OR2H2: variants seen among roughly 807,000 people sequenced by gnomAD.
The protein encoded by OR2H2 is olfactory receptor family 2 subfamily H member 2, also known as olfactory receptor 2H2.
For synonymous variants in OR2H2, 146 were observed against 132.4 expected, an observed-to-expected ratio of 1.10 and a Z score of -0.71; for missense variants, 295 against 313.7, an observed-to-expected ratio of 0.94 and a Z score of 0.45.
chr6:29,587,651 C>A lies in OR2H2; in HGVS notation c.-275-19C>A. 1 of 380,958 alleles carries A rather than the reference C, an allele frequency of 2.6e-6. No homozygotes were observed. 23.6% of individuals were successfully genotyped at this position (380,958 alleles called of 1,614,324 possible). A position where few individuals can be genotyped will look rare whatever the true frequency, so the allele number is the denominator to read the frequency against. On this transcript the variant is annotated intron_variant, in intron 1 of 1. Transcript: ENST00000641840. ...TGAATTAGTGCATATTTTAATCAGCCTCCTTTGCCCTCACCCAGGAAGTCA... is the reference window on the plus strand; with the variant it reads ...TGAATTAGTGCATATTTTAATCAGCATCCTTTGCCCTCACCCAGGAAGTCA...
chr6:29,587,943 C>T lies in OR2H2; in HGVS notation c.-2C>T, dbSNP rs144017654. 213 of 859,864 alleles carry T rather than the reference C, an allele frequency of 2.5e-4. 2 individuals are homozygous for T. The African/African-American group carries it at 3.1e-3, about 13-fold the overall frequency. 53.3% of individuals were successfully genotyped at this position (859,864 alleles called of 1,614,324 possible). ...CCCTCCAGGTACAAACAAGAACAGG[C>T]CATGGTTAACCAAAGCTCCACACCG... On this transcript the variant is annotated 5_prime_UTR_variant, in exon 2 of 2. Coordinates refer to ENST00000641840, the MANE Select transcript of OR2H2 (RefSeq NM_007160.4).
In OR2H2 at chr6:29,590,003, T is replaced by G. The variant is rs1760560116; in HGVS notation, c.*1120T>G. 6.6e-6 allele frequency: 1 copy of G among 152,216 alleles called. No individual in the cohort carries two copies. Among genetic ancestry groups the G allele is most frequent in the Admixed American group, 6.5e-5 (1 of 15,284 alleles). The allele number at this position is 152,216 out of a possible 1,614,324, so 9.4% of individuals were successfully genotyped here. A position where few individuals can be genotyped will look rare whatever the true frequency, so the allele number is the denominator to read the frequency against. On this transcript the variant is annotated 3_prime_UTR_variant, in exon 2 of 2. Transcript: ENST00000641840. ...GTTTTGAATATCTCATGTAATTTACTGAATACTGTACTAAAAGTGAAAAAA... is the reference window on the plus strand; with the variant it reads ...GTTTTGAATATCTCATGTAATTTACGGAATACTGTACTAAAAGTGAAAAAA...
At chr6:29,586,485 TAA>T (rs771489542) in intron 1 of OR2H2, among the ~76,000 whole-genome samples, 135 of 82,412 alleles carry the variant, frequency 1.6e-3, no homozygotes, top group African/African-American at 4.0e-3. Flanking sequence ...AACGTGACTC[TAA>T]AAAAAAAAAA....
At chr6:29,586,485 TAAA>T (rs771489542) in intron 1 of OR2H2, among the ~76,000 whole-genome samples, 12 of 82,428 alleles carry the variant, frequency 1.5e-4, no homozygotes, top group African/African-American at 4.3e-4. Flanking sequence ...AACGTGACTC[TAAA>T]AAAAAAAAAA....
Position 29,589,815 on chromosome 6 carries a change from A to T in OR2H2, c.*932A>T, listed in dbSNP as rs1417580756. 6.6e-6 allele frequency: 1 copy of T among 152,198 alleles called. No homozygotes were observed. Among genetic ancestry groups the T allele is most frequent in the Non-Finnish European group, 1.5e-5 (1 of 68,026 alleles). 9.4% of individuals were successfully genotyped at this position (152,198 alleles called of 1,614,324 possible). ...ACTTATAATGATGTTACCTCCCAAA[A>T]AACCTATCATATACTGAAAATATTG... On this transcript the variant is annotated 3_prime_UTR_variant, in exon 2 of 2. Transcript: ENST00000641840.
chr6:29,588,355 C>A lies in OR2H2; in HGVS notation c.411C>A (p.Arg137=). The A allele has an allele frequency of 6.2e-7, 1 of 1,613,128 alleles. No individual in the cohort carries two copies. The part of the protein sequence containing the change: ...PLHYATIIHP[R]LCWQLASVAW... ...ACTATGCCACCATCATCCACCCCCG[C>A]CTGTGCTGGCAGCTGGCATCTGTGG... Residue 137 remains arginine, a synonymous_variant, in exon 2 of 2, where the codon CGC becomes CGA. Coordinates refer to ENST00000641840, the MANE Select transcript of OR2H2 (RefSeq NM_007160.4).
rs1216358732 is a variant in OR2H2 at position 29,585,243 on chromosome 6, TTTTTA to T, written c.-378_-374del. 1.3e-5 allele frequency: 2 copies of T among 152,228 alleles called. No individual in the cohort carries two copies. Among genetic ancestry groups the T allele is most frequent in the African/African-American group, 4.8e-5 (2 of 41,458 alleles). 9.4% of individuals were successfully genotyped at this position (152,228 alleles called of 1,614,324 possible). The stretch of plus-strand genomic sequence containing the variant: ...TTGCCCATTCAAGGATGCCCATTCC[TTTTTA>T]TTTTTTTGTTTCTTCCTGATGTACA... On this transcript the variant is annotated 5_prime_UTR_variant, in exon 1 of 2. It removes the in-frame stop codon of an upstream open reading frame in the 5' UTR. Coordinates refer to ENST00000641840, the MANE Select transcript of OR2H2 (RefSeq NM_007160.4).
intron 1 of OR2H2, among the ~76,000 whole-genome samples, chr6:29,586,963 T>C (rs527682026): frequency 6.6e-6 from 1 of 151,782 alleles, no homozygotes; most frequent in Non-Finnish European, 1.5e-5. Context: ...CCCCAATACA[T>C]CTCTATTTTA....
chr6:29,585,221 C>A lies in OR2H2; in HGVS notation c.-405C>A, dbSNP rs1006624435. The A allele has an allele frequency of 6.6e-6, 1 of 152,196 alleles. No individual in the cohort carries two copies. The highest frequency in any genetic ancestry group is 1.5e-5 in the Non-Finnish European group (1 of 68,038). The allele number at this position is 152,196 out of a possible 1,614,324, so 9.4% of individuals were successfully genotyped here. A position where few individuals can be genotyped will look rare whatever the true frequency, so the allele number is the denominator to read the frequency against. On this transcript the variant is annotated 5_prime_UTR_variant, in exon 1 of 2. The change creates a premature stop within an existing upstream ORF in the 5' untranslated region. Transcript: ENST00000641840. ...CCTATTGTGACCAGAGATGCAGTTG[C>A]CCATTCAAGGATGCCCATTCCTTTT... is the stretch of plus-strand genomic sequence containing the variant.
Position 29,588,614 on chromosome 6 carries a change from C to A in OR2H2, c.670C>A (p.Leu224Met). ...TTACGGAGCCATTACCTGGGCAGTG[C>A]TGAGGATTAACTCTGCAAAAGGGCG... is the stretch of plus-strand genomic sequence containing the variant. ...VSYGAITWAV[L>M]RINSAKGRRK... Residue 224 changes from leucine (L) to methionine (M), a missense_variant, in exon 2 of 2, where the codon CTG (leucine) becomes ATG (methionine). Leu to Met is a conservative substitution (Grantham distance 15). Coordinates refer to ENST00000641840, the MANE Select transcript of OR2H2 (RefSeq NM_007160.4). The A allele has an allele frequency of 1.6e-6, 2 of 1,252,184 alleles. No individual in the cohort carries two copies. Among genetic ancestry groups the A allele is most frequent in the Non-Finnish European group, 2.4e-6 (2 of 850,892 alleles). The allele number at this position is 1,252,184 out of a possible 1,614,324, so 77.6% of individuals were successfully genotyped here.
chr6:29,586,030 G>A (rs372007779), intron 1 of OR2H2, among the ~76,000 whole-genome samples: 18 of 152,350 alleles, frequency 1.2e-4, no homozygotes, highest in South Asian at 1.0e-3. Flanking sequence ...GGGGGCGGCA[G>A]CCAATGAGCA....
rs188661866 is a variant in OR2H2 at position 29,588,908 on chromosome 6, A to T, written c.*25A>T. On this transcript the variant is annotated 3_prime_UTR_variant, in exon 2 of 2. Transcript: ENST00000641840. ...AGGGAGAGCTGCTTAATGTGCTTTA[A>T]AAGAGAGGAGATTCTATGTGCTTTT... The T allele has an allele frequency of 2.3e-3, 1,781 of 774,826 alleles. 6 individuals carry two copies. Among genetic ancestry groups the T allele is most frequent in the Non-Finnish European group, 2.7e-3 (1,105 of 416,732 alleles). The allele number at this position is 774,826 out of a possible 1,614,324, so 48.0% of individuals were successfully genotyped here.
In OR2H2 at chr6:29,588,017, C is replaced by T. The variant is rs1485199395; in HGVS notation, c.73C>T (p.Leu25Phe). The change falls in exon 2 of 2, where the codon CTC (leucine) becomes TTC (phenylalanine). Residue 25 changes from leucine (L) to phenylalanine (F), a missense_variant. Physicochemically the swap from Leu to Phe is conservative, Grantham distance 22. Coordinates refer to ENST00000641840, the MANE Select transcript of OR2H2 (RefSeq NM_007160.4). ...TGAACACCCAGGGCTGGAAAGGACT[C>T]TCTTCGTGGTTGTCCTCACTTCCTA... is the stretch of plus-strand genomic sequence containing the variant. Reference protein sequence around the residue: ...FSEHPGLERTLFVVVLTSYLL... With the variant: ...FSEHPGLERTFFVVVLTSYLL... The T allele has an allele frequency of 3.0e-6, 3 of 1,000,362 alleles. No homozygotes were observed. Among genetic ancestry groups the T allele is most frequent in the South Asian group, 1.3e-5 (1 of 79,308 alleles). The allele number at this position is 1,000,362 out of a possible 1,614,324, so 62.0% of individuals were successfully genotyped here.
At position 29,588,936 on chromosome 6, in the gene OR2H2, CA is replaced by C; in HGVS notation, c.*54del. 1.4e-6 allele frequency: 1 copy of C among 738,824 alleles called. No individual in the cohort carries two copies. The allele number at this position is 738,824 out of a possible 1,614,324, so 45.8% of individuals were successfully genotyped here. On this transcript the variant is annotated 3_prime_UTR_variant, in exon 2 of 2. Transcript: ENST00000641840. ...GAGAGGAGATTCTATGTGCTTTTAT[CA>C]GAAAGTTTGAGTTCCCTGCCCCTCT...
At position 29,588,260 on chromosome 6, in the gene OR2H2, GGGACAACTGA is replaced by G. The variant is rs757686341; in HGVS notation, c.318_327del (p.Thr107AlafsTer4). The G allele has an allele frequency of 1.0e-5, 16 of 1,588,854 alleles. No individual in the cohort carries two copies. The East Asian group carries it at 3.6e-4, about 36-fold the overall frequency. Reference sequence around the variant, plus strand: ...CCAGATCTTCATCTTCCTGTCCCTGGGGACAACTGAGTGCATCCTCTTGACAGTGATGGCT... The same window carrying G: ...CCAGATCTTCATCTTCCTGTCCCTGGGTGCATCCTCTTGACAGTGATGGCT... On this transcript the variant is annotated frameshift_variant, in exon 2 of 2. Coordinates refer to ENST00000641840, the MANE Select transcript of OR2H2 (RefSeq NM_007160.4). LOFTEE classifies it low-confidence loss of function (END_TRUNC).
Position 29,587,844 on chromosome 6 carries a change from C to T in OR2H2, c.-101C>T, listed in dbSNP as rs537084129. The stretch of plus-strand genomic sequence containing the variant: ...GCAGAGACAGAAGAGAAACACCTAC[C>T]TGCTGTGACCTCACAAACACCCAGG... On this transcript the variant is annotated 5_prime_UTR_variant, in exon 2 of 2. Transcript: ENST00000641840. The T allele has an allele frequency of 8.0e-4, 544 of 681,814 alleles. No homozygotes were observed. Among genetic ancestry groups the T allele is most frequent in the African/African-American group, 4.5e-3 (251 of 56,066 alleles). The allele number at this position is 681,814 out of a possible 1,614,324, so 42.2% of individuals were successfully genotyped here.
chr6:29,589,090 G>T lies in OR2H2; in HGVS notation c.*207G>T. The T allele has an allele frequency of 1.8e-6, 1 of 557,312 alleles. No individual in the cohort carries two copies. The highest frequency in any genetic ancestry group is 3.2e-6 in the Non-Finnish European group (1 of 308,752). The allele number at this position is 557,312 out of a possible 1,614,324, so 34.5% of individuals were successfully genotyped here. A position where few individuals can be genotyped will look rare whatever the true frequency, so the allele number is the denominator to read the frequency against. On this transcript the variant is annotated 3_prime_UTR_variant, in exon 2 of 2. Transcript: ENST00000641840. ...AGGTATCTTTATGCGAAAAATTATA[G>T]GCATCAAGTATATTTTATATTTTTT...
rs1375421463 is a variant in OR2H2, at chr6:29,587,888, G to C, written c.-57G>C. 4.2e-6 allele frequency: 3 copies of C among 714,364 alleles called. No individual in the cohort carries two copies. Among genetic ancestry groups the C allele is most frequent in the Non-Finnish European group, 7.7e-6 (3 of 389,440 alleles). The allele number at this position is 714,364 out of a possible 1,614,324, so 44.3% of individuals were successfully genotyped here. A position where few individuals can be genotyped will look rare whatever the true frequency, so the allele number is the denominator to read the frequency against. ...ACCCAGGCTGAGTTTTGATAAGACA[G>C]GTTGAATCACACTGGAGTGACAGCC... On this transcript the variant is annotated 5_prime_UTR_variant, in exon 2 of 2. Coordinates refer to ENST00000641840, the MANE Select transcript of OR2H2 (RefSeq NM_007160.4).
At position 29,588,528 on chromosome 6, in the gene OR2H2, T is replaced by A; in HGVS notation, c.584T>A (p.Ile195Asn). ...LSCEDTSYNE[I>N]QVAVASVFIL... The stretch of plus-strand genomic sequence containing the variant: ...TGTGAAGACACCTCCTACAATGAGA[T>A]CCAGGTGGCTGTTGCCAGTGTCTTC... The change falls in exon 2 of 2, where the codon ATC (isoleucine) becomes AAC (asparagine). Residue 195 changes from isoleucine (I) to asparagine (N), a missense_variant. Coordinates refer to ENST00000641840, the MANE Select transcript of OR2H2 (RefSeq NM_007160.4). The A allele has an allele frequency of 4.2e-6, 4 of 952,948 alleles. No individual in the cohort carries two copies. Among genetic ancestry groups the A allele is most frequent in the Non-Finnish European group, 6.9e-6 (4 of 576,404 alleles). The allele number at this position is 952,948 out of a possible 1,614,324, so 59.0% of individuals were successfully genotyped here.
Sources: allele counts gnomAD v4.1 joint callset (sites outside exome capture counted in the v4.1 genomes callset), GRCh38; gene constraint gnomAD v4.1.1; transcripts MANE v1.5; gene names NCBI Gene and HGNC (gene_info 2026-07-23, HGNC 2026-07-21).